UBAP1: variants seen among roughly 807,000 people sequenced by gnomAD.
The protein encoded by UBAP1 is ubiquitin-associated protein 1.
UBAP1 carries 5 observed loss-of-function variants against 39.0 expected under a neutral mutation model. That is an observed-to-expected ratio of 0.13 (90% CI 0.07 to 0.27). The LOEUF (loss-of-function observed/expected upper bound fraction) is 0.27. Ranked by LOEUF, UBAP1 falls within the 10% of genes least tolerant of loss-of-function variation. The pLI, the probability that UBAP1 is intolerant of heterozygous loss-of-function variation, is 1.00. For synonymous variants in UBAP1, 211 were observed against 225.1 expected (o/e 0.94, Z 0.56); for missense variants, 490 against 608.1 (o/e 0.81, Z 2.04).
intron 6 of UBAP1, chr9:34,251,005 A>G (rs1396366139): frequency 1.9e-6 from 1 of 529,726 alleles, no homozygotes; most frequent in Non-Finnish European, 3.4e-6. Context: ...CCTGGGCTAA[A>G]AGCCAAACTT....
Position 34,237,202 on chromosome 9 carries a change from G to T in UBAP1, c.159+2862G>T, listed in dbSNP as rs753003703. ...TTACTGCAGTACACATTTACTAAAC[G>T]CATGTTTATGAGAGGTGGTCTACTG... is the stretch of plus-strand genomic sequence containing the variant. On this transcript the variant is annotated intron_variant, in intron 3 of 6. Transcript: ENST00000297661. Among the ~76,000 whole-genome samples the T allele has an allele frequency of 4.0e-5, 6 of 149,692 alleles. No individual in the cohort carries two copies. The Middle Eastern group carries it at 0.01, about 255-fold the overall frequency.
chr9:34,186,951 A>G (rs1830439238), intron 1 of UBAP1, among the ~76,000 whole-genome samples: 1 of 151,798 alleles, frequency 6.6e-6, no homozygotes, highest in Admixed American at 6.6e-5. Flanking sequence ...CTTGTTGCCC[A>G]TGCGGGAGTG....
At chr9:34,224,253 G>T in intron 2 of UBAP1, 1 of 480,662 alleles carries the variant, frequency 2.1e-6, no homozygotes, top group Non-Finnish European at 3.8e-6. Context: ...TGGCCCAGGG[G>T]TAGCGCATAG....
At chr9:34,183,596 TA>T (rs1212511048) in intron 1 of UBAP1, among the ~76,000 whole-genome samples, 1 of 148,770 alleles carries the variant, frequency 6.7e-6, no homozygotes, top group Non-Finnish European at 1.5e-5. Context: ...TTCTAACAAT[TA>T]AAAAAAAAGA....
chr9:34,224,572 CT>C, intron 2 of UBAP1: 1 of 445,496 alleles, frequency 2.2e-6, no homozygotes, highest in Non-Finnish European at 3.8e-6. Context: ...TGTGGTAGGG[CT>C]TTCTCTTGCC....
intron 1 of UBAP1, among the ~76,000 whole-genome samples, chr9:34,203,265 A>T (rs537735552): frequency 6.6e-6 from 1 of 152,278 alleles, no homozygotes; most frequent in East Asian, 1.9e-4. Context: ...AGCAATGTTC[A>T]TGCCACTTCA....
intron 4 of UBAP1, among the ~76,000 whole-genome samples, chr9:34,242,798 T>TA (rs761537088): frequency 1.3e-5 from 2 of 152,226 alleles, no homozygotes; most frequent in Non-Finnish European, 2.9e-5. Flanking sequence ...TTCCTGGGAT[T>TA]ACAGGGGTGA....
At chr9:34,215,069 A>G (rs1213383489) in intron 1 of UBAP1, among the ~76,000 whole-genome samples, 1 of 152,216 alleles carries the variant, frequency 6.6e-6, no homozygotes, top group African/African-American at 2.4e-5. Flanking sequence ...CAGTGTGGAG[A>G]TTCCTTAAAG....
intron 2 of UBAP1, among the ~76,000 whole-genome samples, chr9:34,229,503 A>ATG: frequency 6.9e-6 from 1 of 145,240 alleles, no homozygotes; most frequent in African/African-American, 2.6e-5. Flanking sequence ...TGATCCTCCC[A>ATG]CCTCAGCCTC....
chr9:34,184,344 G>T (rs1830260521), intron 1 of UBAP1, among the ~76,000 whole-genome samples: 1 of 151,200 alleles, frequency 6.6e-6, no homozygotes, highest in South Asian at 2.1e-4. Flanking sequence ...AGATAGTCTC[G>T]CTCTGGGCCG....
intron 1 of UBAP1, among the ~76,000 whole-genome samples, chr9:34,214,275 A>C (rs547461440): frequency 2.0e-5 from 3 of 152,142 alleles, no homozygotes; most frequent in African/African-American, 7.2e-5. Context: ...AAACTATACT[A>C]TAAGGCCATA....
chr9:34,198,735 T>C (rs1831199902), intron 1 of UBAP1, among the ~76,000 whole-genome samples: 1 of 152,158 alleles, frequency 6.6e-6, no homozygotes, highest in African/African-American at 2.4e-5. Context: ...AAGACAGACA[T>C]GGATCTCCTG....
At position 34,220,963 on chromosome 9, in the gene UBAP1, A is replaced by G; in HGVS notation, c.34+15A>G. On this transcript the variant is annotated intron_variant, in intron 2 of 6. Transcript: ENST00000297661. ...AGATTTTCATGGTAAGTGGACTATT[A>G]GAATCATGGTTTAAGTTATGATTTG... 6.2e-7 allele frequency: 1 copy of G among 1,609,842 alleles called. No homozygotes were observed. The highest frequency in any genetic ancestry group is 8.5e-7 in the Non-Finnish European group (1 of 1,176,424).
At chr9:34,183,144 C>CT (rs961038203) in intron 1 of UBAP1, among the ~76,000 whole-genome samples, 82 of 152,220 alleles carry the variant, frequency 5.4e-4, no homozygotes, top group Admixed American at 8.5e-4. Flanking sequence ...TAAGAGTAAT[C>CT]TTTTTTCCTA....
chr9:34,214,130 A>T (rs548658811), intron 1 of UBAP1, among the ~76,000 whole-genome samples: 1,557 of 152,290 alleles, frequency 0.01, 20 homozygotes, highest in African/African-American at 0.031. Context: ...AATCCCCATC[A>T]AAATACCACC....
chr9:34,206,854 A>G (rs1261320176), intron 1 of UBAP1, among the ~76,000 whole-genome samples: 1 of 152,072 alleles, frequency 6.6e-6, no homozygotes, highest in East Asian at 1.9e-4. Context: ...TTTAAAAAGC[A>G]GCTTTATTAT....
intron 2 of UBAP1, among the ~76,000 whole-genome samples, chr9:34,222,821 G>T (rs1376110067): frequency 6.6e-6 from 1 of 151,724 alleles, no homozygotes; most frequent in East Asian, 1.9e-4. Flanking sequence ...AATGATTCTT[G>T]CCACTGAGCT....
At chr9:34,224,869 A>G (rs188494036) in intron 2 of UBAP1, among the ~76,000 whole-genome samples, 51 of 152,244 alleles carry the variant, frequency 3.3e-4, no homozygotes, top group Non-Finnish European at 2.5e-4. Context: ...TTTCTTCACT[A>G]TATGTCTCTG....
chr9:34,180,591 T>C (rs1189433196), intron 1 of UBAP1, among the ~76,000 whole-genome samples: 1 of 152,198 alleles, frequency 6.6e-6, no homozygotes, highest in Admixed American at 6.6e-5. Context: ...CCGCATTAAC[T>C]TACTATAAGT....
Sources: gnomAD v4.1 joint callset for allele counts (sites outside exome capture counted in the v4.1 genomes callset) on GRCh38, gnomAD v4.1.1 for gene constraint, MANE v1.5 for transcripts, NCBI Gene and HGNC (gene_info 2026-07-23, HGNC 2026-07-21) for gene names.